Variants in HBS1L observed in about 807,000 individuals in gnomAD.
HBS1L encodes HBS1 like translational GTPase.
HBS1L carries 55 observed loss-of-function variants against 88.9 expected under a neutral mutation model. That is an observed-to-expected ratio of 0.62 (90% CI 0.50 to 0.77). HBS1L has a LOEUF of 0.77. Among genes scored for constraint, HBS1L ranks in the 30% least tolerant of loss-of-function variants. The pLI is 0.00. For synonymous variants in HBS1L, 267 were observed against 288.5 expected, an observed-to-expected ratio of 0.93 and a Z score of 0.76; for missense variants, 741 against 829.3, an observed-to-expected ratio of 0.89 and a Z score of 1.31.
chr6:134,975,293 C>T (rs564389752), intron 15 of HBS1L, among the ~76,000 whole-genome samples: 1 of 152,150 alleles, frequency 6.6e-6, no homozygotes, highest in Admixed American at 6.6e-5. Context: ...ACATCCCATG[C>T]TCATGAATTG....
chr6:135,020,137 T>A lies in HBS1L; in HGVS notation c.431-17295A>T, dbSNP rs1377865730. Among the ~76,000 whole-genome samples the A allele has an allele frequency of 3.6e-5, 5 of 139,622 alleles. No homozygotes were observed. In the East Asian group the frequency reaches 1.0e-3, roughly 29 times the overall value. The allele number at this position is 139,622 out of a possible 152,430, so 91.6% of individuals were successfully genotyped here. A position where few individuals can be genotyped will look rare whatever the true frequency, so the allele number is the denominator to read the frequency against. On this transcript the variant is annotated intron_variant, in intron 4 of 17. Coordinates refer to ENST00000367837, the MANE Select transcript of HBS1L (RefSeq NM_006620.4). ...GGTAAAAGGGCCTATATAAAAACAT[T>A]ATGAATGATTAAAAAAAACCCTCCA... is the stretch of plus-strand genomic sequence containing the variant.
chr6:135,006,693 T>C (rs1051377646), intron 4 of HBS1L, among the ~76,000 whole-genome samples: 1 of 152,092 alleles, frequency 6.6e-6, no homozygotes, highest in Non-Finnish European at 1.5e-5. Flanking sequence ...AGGATTGGCT[T>C]TGCGTGAAAA....
intron 4 of HBS1L, among the ~76,000 whole-genome samples, chr6:135,017,393 T>C (rs903562343): frequency 2.6e-5 from 4 of 152,132 alleles, no homozygotes; most frequent in Non-Finnish European, 5.9e-5. Context: ...TTTCTTCACA[T>C]AAAATCCTCA....
rs772985126 is a variant in HBS1L, at chr6:135,054,692, G to A, written c.-1C>T. The A allele has an allele frequency of 1.2e-6, 2 of 1,614,244 alleles. No individual in the cohort carries two copies. The highest frequency in any genetic ancestry group is 2.2e-5 in the East Asian group (1 of 44,888). ...CTCGAACATTCCGATGCCGGGCCAT[G>A]ACGGCGGAGAGGGCGTTTGCCACAG... On this transcript the variant is annotated 5_prime_UTR_variant, in exon 1 of 18. Transcript: ENST00000367837.
chr6:135,028,658 A>G (rs1776303840), intron 4 of HBS1L, among the ~76,000 whole-genome samples: 1 of 152,300 alleles, frequency 6.6e-6, no homozygotes, highest in South Asian at 2.1e-4. Context: ...AATGTTAGCA[A>G]ATAAAATCCA....
At chr6:135,032,239 T>C (rs1329018480) in intron 4 of HBS1L, among the ~76,000 whole-genome samples, 2 of 151,226 alleles carry the variant, frequency 1.3e-5, no homozygotes, top group Non-Finnish European at 2.9e-5. Flanking sequence ...CAAGTTTATA[T>C]AGAAAATCCT....
chr6:135,028,842 A>G (rs1008148652), intron 4 of HBS1L, among the ~76,000 whole-genome samples: 1 of 152,006 alleles, frequency 6.6e-6, no homozygotes, highest in Non-Finnish European at 1.5e-5. Context: ...AGCAGTAAAT[A>G]CAACAACAAA....
intron 2 of HBS1L, among the ~76,000 whole-genome samples, chr6:135,045,184 G>C (rs1776873675): frequency 6.6e-6 from 1 of 152,132 alleles, no homozygotes; most frequent in Non-Finnish European, 1.5e-5. Flanking sequence ...CCAAACCTCT[G>C]AAGTTGTACT....
intron 4 of HBS1L, among the ~76,000 whole-genome samples, chr6:135,023,416 C>T (rs1776132392): frequency 6.6e-6 from 1 of 151,828 alleles, no homozygotes; most frequent in African/African-American, 2.4e-5. Context: ...TGCACTCTAG[C>T]CTGGGCAACA....
At chr6:134,993,050 T>C (rs552318221) in intron 8 of HBS1L, among the ~76,000 whole-genome samples, 2 of 152,330 alleles carry the variant, frequency 1.3e-5, no homozygotes, top group Admixed American at 6.5e-5. Flanking sequence ...GTGCCACAAC[T>C]GCTTACAGTA....
chr6:135,022,215 A>C (rs192209378), intron 4 of HBS1L, among the ~76,000 whole-genome samples: 4 of 152,270 alleles, frequency 2.6e-5, no homozygotes, highest in African/African-American at 9.6e-5. Flanking sequence ...TATCTAGCAC[A>C]TTAAAAGCAG....
chr6:135,015,882 C>CTTT (rs1174601694), intron 4 of HBS1L, among the ~76,000 whole-genome samples: 32 of 116,940 alleles, frequency 2.7e-4, no homozygotes, highest in African/African-American at 7.9e-4. Flanking sequence ...CGAGCCCAGC[C>CTTT]TTTTTTTTTT....
chr6:134,986,731 C>A lies in HBS1L; in HGVS notation c.1305+5G>T, dbSNP rs761123975. On this transcript the variant is annotated splice_donor_5th_base_variant and intron_variant, in intron 10 of 17. Transcript: ENST00000367837. The stretch of plus-strand genomic sequence containing the variant: ...TAATAACAAATAAATCTAAAATGAT[C>A]TTACCTTAAAACCTGCTTGCTTAAG... 2.6e-6 allele frequency: 4 copies of A among 1,526,772 alleles called. No individual in the cohort carries two copies. Among genetic ancestry groups the A allele is most frequent in the Non-Finnish European group, 3.5e-6 (4 of 1,127,432 alleles). The allele number at this position is 1,526,772 out of a possible 1,614,324, so 94.6% of individuals were successfully genotyped here. A position where few individuals can be genotyped will look rare whatever the true frequency, so the allele number is the denominator to read the frequency against.
chr6:135,002,814 T>C lies in HBS1L; in HGVS notation c.459A>G (p.Arg153=). 1 of 1,613,090 alleles carries C rather than the reference T, an allele frequency of 6.2e-7. No homozygotes were observed. The highest frequency in any genetic ancestry group is 8.5e-7 in the Non-Finnish European group (1 of 1,179,298). ...KGKPVDSQTS[R]SESEIVPKVA... ...CTTTTGGCACAATTTCAGATTCACT[T>C]CGCGATGTCTGGGAATCTACTGGTT... is the stretch of plus-strand genomic sequence containing the variant. The change falls in exon 5 of 18, where the codon CGA becomes CGG. Residue 153 remains arginine, a synonymous_variant. Transcript: ENST00000367837.
chr6:135,041,430 T>C (rs115123439), intron 3 of HBS1L, among the ~76,000 whole-genome samples: 2,088 of 151,842 alleles, frequency 0.014, 63 homozygotes, highest in African/African-American at 0.048. Flanking sequence ...AATATAAATA[T>C]CTTCATTAAA....
chr6:135,031,798 G>T (rs1009299809), intron 4 of HBS1L, among the ~76,000 whole-genome samples: 1 of 151,474 alleles, frequency 6.6e-6, no homozygotes, highest in Non-Finnish European at 1.5e-5. Context: ...GCATGTCAAT[G>T]TCGGAAATAA....
chr6:134,980,949 G>A (rs1774812487), intron 13 of HBS1L, among the ~76,000 whole-genome samples: 1 of 151,860 alleles, frequency 6.6e-6, no homozygotes, highest in South Asian at 2.1e-4. Flanking sequence ...TCTCTGTTGA[G>A]TTAAAAGACT....
intron 4 of HBS1L, among the ~76,000 whole-genome samples, chr6:135,019,259 A>G (rs1426621392): frequency 6.6e-6 from 1 of 151,968 alleles, no homozygotes; most frequent in Non-Finnish European, 1.5e-5. Flanking sequence ...GTGCTCTTCT[A>G]AATTAATGTG....
intron 9 of HBS1L, 120 bp from the exon 10 acceptor site, chr6:134,986,930 T>C (rs1409090961): frequency 5.3e-6 from 2 of 375,310 alleles, no homozygotes; most frequent in East Asian, 8.7e-5. Context: ...TCTATTAAAA[T>C]CAAAACATGG....
Sources: allele counts gnomAD v4.1 joint callset (sites outside exome capture counted in the v4.1 genomes callset), GRCh38; gene constraint gnomAD v4.1.1; transcripts MANE v1.5; gene names NCBI Gene and HGNC (gene_info 2026-07-23, HGNC 2026-07-21).